DYNC1I1: variants seen among roughly 807,000 people sequenced by gnomAD.
The protein encoded by DYNC1I1 is cytoplasmic dynein 1 intermediate chain 1.
Under a neutral mutation model 86.6 loss-of-function variants are expected in DYNC1I1, and 43 were observed. That is an observed-to-expected ratio of 0.50 (90% confidence interval 0.39 to 0.64). The LOEUF (loss-of-function observed/expected upper bound fraction) is 0.64. Ranked by LOEUF, DYNC1I1 falls within the 30% of genes least tolerant of loss-of-function variation. The pLI is 0.00. For missense variants in DYNC1I1, 604 were observed against 788.8 expected (o/e 0.77, Z 2.81); for synonymous variants, 262 against 283.7 (o/e 0.92, Z 0.77).
At chr7:95,864,783 T>G (rs1488458689) in intron 5 of DYNC1I1, among the ~76,000 whole-genome samples, 2 of 152,188 alleles carry the variant, frequency 1.3e-5, no homozygotes, top group Non-Finnish European at 2.9e-5. Flanking sequence ...AACTTCATAA[T>G]GAAGTTCAAA....
At position 95,987,120 on chromosome 7, in the gene DYNC1I1, C is replaced by A. The variant is rs1420279332; in HGVS notation, c.808C>A (p.His270Asn). The change falls in exon 9 of 17, where the codon CAT becomes AAT. Residue 270 changes from histidine (H) to asparagine (N), a missense_variant. By Grantham distance (68) the His-to-Asn change is moderately conservative (BLOSUM62 1). Coordinates refer to ENST00000447467, the MANE Select transcript of DYNC1I1 (RefSeq NM_001135556.2). ...RQFYDEHWSK[H>N]RVVTCMDWSL... ...GTTCTATGATGAACATTGGTCCAAG[C>A]ATCGAGTGGTCACTTGTATGGACTG... is the stretch of plus-strand genomic sequence containing the variant. The A allele has an allele frequency of 6.2e-7, 1 of 1,613,844 alleles. No homozygotes were observed. The highest frequency in any genetic ancestry group is 1.7e-5 in the Admixed American group (1 of 60,000).
chr7:95,939,064 C>T (rs1792128118), intron 6 of DYNC1I1, among the ~76,000 whole-genome samples: 1 of 152,112 alleles, frequency 6.6e-6, no homozygotes, highest in Non-Finnish European at 1.5e-5. Context: ...ACCCAGTAGT[C>T]ATTCAGGAGC....
At chr7:95,902,899 T>C (rs976884885) in intron 6 of DYNC1I1, among the ~76,000 whole-genome samples, 12 of 152,210 alleles carry the variant, frequency 7.9e-5, no homozygotes, top group African/African-American at 2.2e-4. Context: ...TGTGAAAACT[T>C]TACCCCCATC....
chr7:95,947,287 T>A (rs1369799209), intron 6 of DYNC1I1, among the ~76,000 whole-genome samples: 1 of 152,162 alleles, frequency 6.6e-6, no homozygotes. Context: ...TATGAACTCA[T>A]GTTGGTGTGT....
chr7:95,810,244 TG>T, intron 2 of DYNC1I1, 147 bp from the exon 3 acceptor site: 1 of 476,484 alleles, frequency 2.1e-6, no homozygotes. Context: ...GCAATTATGG[TG>T]TTTATTCATC....
chr7:95,925,991 T>A (rs1439207222), intron 6 of DYNC1I1, among the ~76,000 whole-genome samples: 9 of 152,186 alleles, frequency 5.9e-5, no homozygotes, highest in Non-Finnish European at 1.2e-4. Context: ...CAAGGAGCCC[T>A]GTTGCATATA....
intron 10 of DYNC1I1, 26 bp from the exon 11 acceptor site, chr7:96,028,149 T>C: frequency 6.2e-7 from 1 of 1,610,322 alleles, no homozygotes; most frequent in Non-Finnish European, 8.5e-7. Context: ...ATTGCATCTC[T>C]CTCTCTCTCT....
At chr7:96,077,087 G>T (rs993431964) in intron 15 of DYNC1I1, among the ~76,000 whole-genome samples, 1 of 152,050 alleles carries the variant, frequency 6.6e-6, no homozygotes, top group Non-Finnish European at 1.5e-5. Context: ...AATAAGAATG[G>T]ACAGGTAAGA....
At chr7:95,862,082 A>G (rs1231900233) in intron 5 of DYNC1I1, among the ~76,000 whole-genome samples, 3 of 152,210 alleles carry the variant, frequency 2.0e-5, no homozygotes, top group African/African-American at 7.2e-5. Flanking sequence ...GTGAGAGCTA[A>G]AACTATAAAA....
intron 12 of DYNC1I1, 113 bp downstream of exon 12, chr7:96,032,893 TG>T (rs2115996875): frequency 1.2e-6 from 1 of 802,542 alleles, no homozygotes; most frequent in East Asian, 2.7e-5. Flanking sequence ...CTAAAACAAA[TG>T]GATGCACTTG....
At chr7:96,016,980 C>T (rs1794417994) in intron 10 of DYNC1I1, among the ~76,000 whole-genome samples, 1 of 152,170 alleles carries the variant, frequency 6.6e-6, no homozygotes, top group Admixed American at 6.6e-5. Context: ...AAACCCCAAA[C>T]ATTTCTGAAG....
chr7:96,018,953 G>C (rs1794472622), intron 10 of DYNC1I1, among the ~76,000 whole-genome samples: 1 of 152,154 alleles, frequency 6.6e-6, no homozygotes, highest in South Asian at 2.1e-4. Flanking sequence ...GAAGCACCTA[G>C]ATGTGTTTGT....
At chr7:96,032,871 A>T in intron 12 of DYNC1I1, 91 bp downstream of exon 12, 1 of 1,041,132 alleles carries the variant, frequency 9.6e-7, no homozygotes. Flanking sequence ...AAACCCTCAC[A>T]TCCTAGAGGA....
chr7:95,999,684 G>A (rs770634174), intron 10 of DYNC1I1, among the ~76,000 whole-genome samples: 10 of 152,118 alleles, frequency 6.6e-5, no homozygotes, highest in Non-Finnish European at 1.2e-4. Context: ...GGGAGTGTGG[G>A]CTGGTGGTTA....
At chr7:95,977,707 C>G (rs1793344576) in intron 7 of DYNC1I1, 106 bp downstream of exon 7, 2 of 920,856 alleles carry the variant, frequency 2.2e-6, no homozygotes, top group Admixed American at 3.3e-5. Context: ...TTTGCATCCC[C>G]TATATGGAAG....
intron 14 of DYNC1I1, among the ~76,000 whole-genome samples, chr7:96,043,779 C>T (rs948948983): frequency 6.6e-6 from 1 of 151,850 alleles, no homozygotes; most frequent in Non-Finnish European, 1.5e-5. Flanking sequence ...GGCACCATCT[C>T]GGCTCACTGC....
intron 14 of DYNC1I1, among the ~76,000 whole-genome samples, chr7:96,043,862 A>G (rs1485727937): frequency 1.3e-5 from 2 of 151,988 alleles, no homozygotes; most frequent in Non-Finnish European, 2.9e-5. Flanking sequence ...GGTGCCCGCC[A>G]CTACAACTGG....
intron 1 of DYNC1I1, among the ~76,000 whole-genome samples, chr7:95,801,829 C>T (rs1311214603): frequency 2.0e-5 from 3 of 152,182 alleles, no homozygotes; most frequent in Non-Finnish European, 1.5e-5. Flanking sequence ...CAGTGATAAA[C>T]TTCACTTTTG....
At chr7:95,787,587 T>C (rs1215005392) in intron 1 of DYNC1I1, among the ~76,000 whole-genome samples, 4 of 152,130 alleles carry the variant, frequency 2.6e-5, no homozygotes, top group Non-Finnish European at 5.9e-5. Context: ...CTCAGACACA[T>C]TTTTTGCAGC....
Sources: gnomAD v4.1 joint callset for allele counts (sites outside exome capture counted in the v4.1 genomes callset) on GRCh38, gnomAD v4.1.1 for gene constraint, MANE v1.5 for transcripts, NCBI Gene and HGNC (gene_info 2026-07-23, HGNC 2026-07-21) for gene names.